ARHGEF3: variants seen among roughly 807,000 people sequenced by gnomAD.
ARHGEF3 encodes the protein 59.8 kDA protein.
A neutral mutation model predicts 63.2 loss-of-function variants in ARHGEF3; 28 were observed. That is an observed-to-expected ratio of 0.44 (90% CI 0.33 to 0.61). The LOEUF is 0.61. Ranked by LOEUF, ARHGEF3 falls within the 20% of genes least tolerant of loss-of-function variation. The pLI is 0.03. For missense variants in ARHGEF3, 533 were observed against 659.3 expected (o/e 0.81, Z 2.10); for synonymous variants, 266 against 254.2 (o/e 1.05, Z -0.44).
intron 3 of ARHGEF3, among the ~76,000 whole-genome samples, chr3:56,890,677 T>G (rs528018125): frequency 3.6e-4 from 55 of 152,342 alleles, no homozygotes; most frequent in Middle Eastern, 3.4e-3. Flanking sequence ...ACATTTGCAC[T>G]GTGTCGTTCC....
chr3:56,890,682 C>T (rs369199352), intron 3 of ARHGEF3, among the ~76,000 whole-genome samples: 2 of 152,186 alleles, frequency 1.3e-5, no homozygotes, highest in African/African-American at 4.8e-5. Flanking sequence ...TGCACTGTGT[C>T]GTTCCCACTT....
At chr3:57,052,259 T>C (rs906213113) in intron 1 of ARHGEF3, among the ~76,000 whole-genome samples, 2 of 152,208 alleles carry the variant, frequency 1.3e-5, no homozygotes, top group African/African-American at 2.4e-5. Context: ...GCTGATCCAA[T>C]GTCACACCTG....
intron 1 of ARHGEF3, among the ~76,000 whole-genome samples, chr3:57,062,514 G>T (rs766712245): frequency 2.0e-5 from 3 of 152,160 alleles, no homozygotes. Flanking sequence ...AAGGAAGCAG[G>T]GCAAGTGCCC....
chr3:57,000,297 T>TAA (rs71972897), intron 2 of ARHGEF3, among the ~76,000 whole-genome samples: 24,045 of 133,044 alleles, frequency 0.18, 2,209 homozygotes, highest in Non-Finnish European at 0.22. Flanking sequence ...GTCCTTTTTT[T>TAA]AGAGGGTAAC....
chr3:56,775,137 T>G (rs757276356), intron 1 of ARHGEF3: 1 of 1,541,998 alleles, frequency 6.5e-7, no homozygotes, highest in Non-Finnish European at 8.8e-7. Context: ...CTCTAGGTAT[T>G]CATCTTTCCT....
chr3:56,834,478 G>A (rs181814097), intron 4 of ARHGEF3, among the ~76,000 whole-genome samples: 2 of 152,138 alleles, frequency 1.3e-5, no homozygotes, highest in Admixed American at 6.5e-5. Context: ...GAATAATAAG[G>A]TCGTGGTCGG....
intron 1 of ARHGEF3, among the ~76,000 whole-genome samples, chr3:57,042,696 A>ATT (rs1560156436): frequency 3.3e-4 from 11 of 33,540 alleles, no homozygotes; most frequent in Non-Finnish European, 6.6e-4. Flanking sequence ...ATATATATAT[A>ATT]TATATTTTTT....
At chr3:56,923,782 A>G (rs1224817415) in intron 3 of ARHGEF3, among the ~76,000 whole-genome samples, 1 of 152,204 alleles carries the variant, frequency 6.6e-6, no homozygotes, top group African/African-American at 2.4e-5. Flanking sequence ...GGGTGTGTTC[A>G]TGTGTACATG....
intron 1 of ARHGEF3, among the ~76,000 whole-genome samples, chr3:57,061,361 G>A (rs1021755984): frequency 2.0e-5 from 3 of 152,076 alleles, no homozygotes; most frequent in Non-Finnish European, 2.9e-5. Context: ...ACAGTGGCAC[G>A]ATCATAACTC....
intron 2 of ARHGEF3, among the ~76,000 whole-genome samples, chr3:57,011,372 G>A (rs189003657): frequency 1.9e-4 from 29 of 152,306 alleles, no homozygotes; most frequent in African/African-American, 6.7e-4. Context: ...GGATAGAGTT[G>A]CTCTCAATCC....
chr3:57,079,162 AG>A (rs1471106256), intron 1 of ARHGEF3: 8 of 390,464 alleles, frequency 2.0e-5, no homozygotes, highest in Non-Finnish European at 3.2e-5. Flanking sequence ...GTCCCGCCAA[AG>A]GGGTGTCTAG....
At chr3:56,835,186 G>A (rs896450054) in intron 4 of ARHGEF3, among the ~76,000 whole-genome samples, 2 of 151,854 alleles carry the variant, frequency 1.3e-5, no homozygotes, top group South Asian at 4.2e-4. Context: ...TGTTTTGTTG[G>A]TTTTTTGAGA....
chr3:56,926,569 C>G (rs2042280875), intron 3 of ARHGEF3, among the ~76,000 whole-genome samples: 1 of 152,240 alleles, frequency 6.6e-6, no homozygotes, highest in African/African-American at 2.4e-5. Context: ...AACTCCCTCT[C>G]CTGGCTGAGT....
At chr3:57,020,561 C>T (rs1193478502) in intron 2 of ARHGEF3, among the ~76,000 whole-genome samples, 1 of 152,220 alleles carries the variant, frequency 6.6e-6, no homozygotes, top group Non-Finnish European at 1.5e-5. Flanking sequence ...TCTGAGTTCA[C>T]TCGGGAAGCT....
intron 4 of ARHGEF3, among the ~76,000 whole-genome samples, chr3:56,862,359 G>A (rs9824260): frequency 0.023 from 3,453 of 152,166 alleles, 129 homozygotes; most frequent in African/African-American, 0.078. Context: ...TTAAAAGGGT[G>A]GGGAAATACT....
chr3:56,851,272 C>T (rs1344108731), intron 4 of ARHGEF3, among the ~76,000 whole-genome samples: 3 of 152,136 alleles, frequency 2.0e-5, no homozygotes, highest in African/African-American at 7.2e-5. Context: ...GTGGATTCAG[C>T]TTGAACCTCA....
chr3:56,975,385 T>G (rs1391683558), intron 2 of ARHGEF3, among the ~76,000 whole-genome samples: 1 of 151,910 alleles, frequency 6.6e-6, no homozygotes, highest in Middle Eastern at 3.2e-3. Context: ...ACCACAGCAC[T>G]CCAGCCTGGG....
intron 3 of ARHGEF3, among the ~76,000 whole-genome samples, chr3:56,929,827 A>G (rs999230779): frequency 1.3e-5 from 2 of 152,224 alleles, no homozygotes; most frequent in Non-Finnish European, 2.9e-5. Context: ...AGCCTTGTGT[A>G]GATGCTATTA....
chr3:56,757,001 C>T (rs2035114552), intron 2 of ARHGEF3, among the ~76,000 whole-genome samples: 1 of 152,170 alleles, frequency 6.6e-6, no homozygotes, highest in African/African-American at 2.4e-5. Flanking sequence ...AATTATTGGT[C>T]ACCTGCTCTT....
Sources: allele counts gnomAD v4.1 joint callset (sites outside exome capture counted in the v4.1 genomes callset), GRCh38; gene constraint gnomAD v4.1.1; transcripts MANE v1.5; gene names NCBI Gene and HGNC (gene_info 2026-07-23, HGNC 2026-07-21).